MACROD2: variants seen among roughly 807,000 people sequenced by gnomAD.
MACROD2 encodes ADP-ribose glycohydrolase MACROD2.
A neutral mutation model predicts 70.4 loss-of-function variants in MACROD2; 36 were observed. That is an observed-to-expected ratio of 0.51 (90% CI 0.39 to 0.68). MACROD2 has a LOEUF of 0.68. Among genes scored for constraint, MACROD2 ranks in the 30% least tolerant of loss-of-function variants. MACROD2 has a pLI of 0.00. For missense variants in MACROD2, 496 were observed against 538.4 expected (o/e 0.92, Z 0.78); for synonymous variants, 172 against 178.8 (o/e 0.96, Z 0.30).
At chr20:14,187,852 A>G (rs1165775149) in intron 3 of MACROD2, among the ~76,000 whole-genome samples, 1 of 152,136 alleles carries the variant, frequency 6.6e-6, no homozygotes, top group Non-Finnish European at 1.5e-5. Context: ...CCCAATGTCT[A>G]TTAACTATTT....
chr20:16,013,993 T>G (rs530812451), intron 15 of MACROD2, among the ~76,000 whole-genome samples: 1 of 152,242 alleles, frequency 6.6e-6, no homozygotes, highest in South Asian at 2.1e-4. Context: ...CATTTTTAAC[T>G]GCGACATTTA....
intron 16 of MACROD2, 82 bp downstream of exon 16, chr20:16,041,360 T>C: frequency 8.8e-7 from 1 of 1,140,192 alleles, no homozygotes; most frequent in Non-Finnish European, 1.3e-6. Flanking sequence ...AAGGGAACTA[T>C]CTGTTCTATA....
intron 5 of MACROD2, among the ~76,000 whole-genome samples, chr20:14,958,309 AGCTTCTTGACATTG>A (rs1426493036): frequency 2.0e-5 from 3 of 152,188 alleles, no homozygotes; most frequent in Non-Finnish European, 4.4e-5. Flanking sequence ...TAAGAGTGGG[AGCTTCTTGACATTG>A]GCTCAGGACA....
In MACROD2 at chr20:15,148,330, A is replaced by G. The variant is rs13042322; in HGVS notation, c.419-81610A>G. 8.5e-5 allele frequency among the ~76,000 whole-genome samples: 13 copies of G among 152,150 alleles called. 1 individual carries two copies. In the East Asian group the frequency reaches 2.5e-3, roughly 29 times the overall value. ...CGTTTTGTATGAATTGAAAAACTAA[A>G]CGGAATAAGAGAAGGAGAAAAACAG... On this transcript the variant is annotated intron_variant, in intron 5 of 17. Transcript: ENST00000684519.
intron 8 of MACROD2, among the ~76,000 whole-genome samples, chr20:15,690,119 C>A (rs143384565): frequency 2.8e-4 from 43 of 152,244 alleles, no homozygotes; most frequent in Non-Finnish European, 5.9e-4. Context: ...CTGCTGTGCG[C>A]AGAATGCTTT....
intron 5 of MACROD2, among the ~76,000 whole-genome samples, chr20:15,047,214 G>A (rs1447254238): frequency 1.3e-5 from 2 of 152,198 alleles, no homozygotes; most frequent in African/African-American, 4.8e-5. Context: ...AAGAGCCTGT[G>A]AATGTTTGGA....
At chr20:14,644,251 T>G (rs1985251494) in intron 4 of MACROD2, among the ~76,000 whole-genome samples, 2 of 152,204 alleles carry the variant, frequency 1.3e-5, no homozygotes. Context: ...GAGCCTGATG[T>G]AGCTGCTTAA....
At chr20:14,460,635 T>A (rs2084357771) in intron 3 of MACROD2, among the ~76,000 whole-genome samples, 1 of 151,964 alleles carries the variant, frequency 6.6e-6, no homozygotes, top group Non-Finnish European at 1.5e-5. Flanking sequence ...CATGAAGGGG[T>A]GTTGAATTTT....
At chr20:14,983,101 T>G (rs893606107) in intron 5 of MACROD2, among the ~76,000 whole-genome samples, 4 of 152,198 alleles carry the variant, frequency 2.6e-5, no homozygotes, top group African/African-American at 9.6e-5. Context: ...TTTGGAGTTT[T>G]AAGATTTGAC....
At chr20:15,493,169 G>A (rs540321941) in intron 7 of MACROD2, among the ~76,000 whole-genome samples, 1 of 152,132 alleles carries the variant, frequency 6.6e-6, no homozygotes, top group Admixed American at 6.6e-5. Context: ...CTGGACATTG[G>A]TCTCTAGAGC....
chr20:16,026,257 C>G (rs767441246), intron 15 of MACROD2, among the ~76,000 whole-genome samples: 4 of 152,170 alleles, frequency 2.6e-5, no homozygotes, highest in African/African-American at 7.2e-5. Context: ...GAGGTCCATG[C>G]TACAGGGCTC....
intron 8 of MACROD2, among the ~76,000 whole-genome samples, chr20:15,582,915 C>A (rs1014678298): frequency 6.6e-6 from 1 of 152,176 alleles, no homozygotes; most frequent in South Asian, 2.1e-4. Context: ...TAGAAAATAT[C>A]TCCTGGAGTT....
At chr20:15,778,449 A>G (rs1353772951) in intron 8 of MACROD2, among the ~76,000 whole-genome samples, 2 of 152,126 alleles carry the variant, frequency 1.3e-5, no homozygotes, top group Non-Finnish European at 2.9e-5. Context: ...GCGACACATA[A>G]TAATTGTACA....
chr20:14,560,925 A>G (rs978182075), intron 4 of MACROD2, among the ~76,000 whole-genome samples: 53 of 151,932 alleles, frequency 3.5e-4, no homozygotes, highest in African/African-American at 1.2e-3. Context: ...TTAATATACT[A>G]GGAAACTCAG....
rs1184932919 is a variant in MACROD2 at position 16,050,647 on chromosome 20, G to A, written c.*771G>A. 2 of 152,226 alleles carry A rather than the reference G, an allele frequency of 1.3e-5. No homozygotes were observed. Among genetic ancestry groups the A allele is most frequent in the African/African-American group, 4.8e-5 (2 of 41,450 alleles). 9.4% of individuals were successfully genotyped at this position (152,226 alleles called of 1,614,324 possible). ...GTCTTCACATGGAGACTACCAGCAA[G>A]AGGTGACTCTCTGCTGCATAACTGT... On this transcript the variant is annotated 3_prime_UTR_variant, in exon 18 of 18. Coordinates refer to ENST00000684519, the MANE Select transcript of MACROD2 (RefSeq NM_001351661.2).
At chr20:15,152,590 G>A (rs2076279014) in intron 5 of MACROD2, among the ~76,000 whole-genome samples, 2 of 151,532 alleles carry the variant, frequency 1.3e-5, no homozygotes, top group South Asian at 2.1e-4. Context: ...GGGTGAAGGT[G>A]AAGGGGTTGA....
intron 5 of MACROD2, among the ~76,000 whole-genome samples, chr20:15,069,702 C>T (rs1224915824): frequency 3.3e-5 from 5 of 152,216 alleles, no homozygotes; most frequent in Admixed American, 6.5e-5. Context: ...CCATGTGTTG[C>T]GAAGTCTGCA....
intron 5 of MACROD2, among the ~76,000 whole-genome samples, chr20:14,862,957 G>A (rs536623983): frequency 3.3e-5 from 5 of 151,460 alleles, no homozygotes; most frequent in South Asian, 4.2e-4. Context: ...TGGATGCCAC[G>A]GCTTCCTCCT....
chr20:15,452,957 G>A (rs1884705), intron 7 of MACROD2, among the ~76,000 whole-genome samples: 42,149 of 151,944 alleles, frequency 0.28, 6,759 homozygotes, highest in South Asian at 0.42. Flanking sequence ...ATATATTTAG[G>A]ACTAGAGATT....
Sources: gnomAD v4.1 joint callset for allele counts (sites outside exome capture counted in the v4.1 genomes callset) on GRCh38, gnomAD v4.1.1 for gene constraint, MANE v1.5 for transcripts, NCBI Gene and HGNC (gene_info 2026-07-23, HGNC 2026-07-21) for gene names.